Variants in GPR180 observed in about 807,000 individuals in gnomAD.
GPR180 encodes the protein integral membrane protein GPR180.
Under a neutral mutation model 52.6 loss-of-function variants are expected in GPR180, and 53 were observed. The ratio of observed to expected loss-of-function variants is 1.01; its 90% confidence interval spans 0.81 to 1.27. The LOEUF (loss-of-function observed/expected upper bound fraction) is 1.27. Ranked by LOEUF, GPR180 falls within the 50% of genes most tolerant of loss-of-function variation. GPR180 has a pLI of 0.00. For synonymous variants in GPR180, 200 were observed against 193.1 expected (o/e 1.04, Z -0.30); for missense variants, 533 against 527.0 (o/e 1.01, Z -0.11).
In GPR180 at chr13:94,605,475, A is replaced by G; in HGVS notation, c.230A>G (p.Gln77Arg). ...KEAKLYLFQA[Q>R]EWLKLQQSSH... is the part of the protein sequence containing the mutation. ...GCTAAACTCTACCTGTTCCAAGCCC[A>G]GGAATGGCTAAAGCTACAGCAAAGC... The change falls in exon 2 of 9, where the codon CAG becomes CGG. Residue 77 changes from glutamine to arginine, a missense_variant. Transcript: ENST00000376958. The G allele has an allele frequency of 6.2e-7, 1 of 1,614,164 alleles. No individual in the cohort carries two copies. The highest frequency in any genetic ancestry group is 8.5e-7 in the Non-Finnish European group (1 of 1,179,974).
rs1364870632 is a variant in GPR180 at position 94,627,152 on chromosome 13, A to G, written c.1304A>G (p.Lys435Arg). Residue 435 changes from lysine (K) to arginine (R), a missense_variant, in exon 9 of 9, where the codon AAA becomes AGA. Lys to Arg is a conservative substitution (Grantham distance 26). Coordinates refer to ENST00000376958, the MANE Select transcript of GPR180 (RefSeq NM_180989.6). ...CCACTGACCATATCATCTGGACACA[A>G]AAGTCGCCCTCATTTCTGATACTTG... The part of the protein sequence containing the change: ...TLPLTISSGH[K>R]SRPHF 3.7e-6 allele frequency: 6 copies of G among 1,612,522 alleles called. No homozygotes were observed. The South Asian group carries it at 5.5e-5, about 15-fold the overall frequency.
At chr13:94,603,944 T>C (rs530039949) in intron 1 of GPR180, among the ~76,000 whole-genome samples, 1 of 152,302 alleles carries the variant, frequency 6.6e-6, no homozygotes, top group Non-Finnish European at 1.5e-5. Context: ...TTCTTTTTTT[T>C]TAAAAAGGAA....
At chr13:94,619,018 T>A in intron 3 of GPR180, 132 bp from the exon 4 acceptor site, 1 of 737,662 alleles carries the variant, frequency 1.4e-6, no homozygotes, top group Non-Finnish European at 2.1e-6. Context: ...TTTTTTCTCT[T>A]ACAAAGGTGA....
At chr13:94,617,424 G>C (rs1047563272) in intron 3 of GPR180, among the ~76,000 whole-genome samples, 9 of 152,074 alleles carry the variant, frequency 5.9e-5, no homozygotes, top group African/African-American at 2.2e-4. Flanking sequence ...CCAGGATTAT[G>C]TTGCCATTAT....
rs1460138800 is a variant in GPR180, at chr13:94,612,238, C to T, written c.353C>T (p.Ser118Phe). ...AATCTGACAGTGTCCCAGATTCCGT[C>T]TCCACAAACGTGGCATGTGTTTTAT... is the stretch of plus-strand genomic sequence containing the variant. The part of the protein sequence containing the change: ...EHNLTVSQIP[S>F]PQTWHVFYAD... The change falls in exon 3 of 9, where the codon TCT (serine) becomes TTT (phenylalanine). Residue 118 changes from serine to phenylalanine, a missense_variant. Physicochemically the swap from Ser to Phe is radical, Grantham distance 155. Coordinates refer to ENST00000376958, the MANE Select transcript of GPR180 (RefSeq NM_180989.6). The T allele has an allele frequency of 2.5e-6, 4 of 1,613,982 alleles. No individual in the cohort carries two copies. Among genetic ancestry groups the T allele is most frequent in the Admixed American group, 3.3e-5 (2 of 60,010 alleles).
intron 2 of GPR180, among the ~76,000 whole-genome samples, chr13:94,608,466 T>C (rs200836334): frequency 1.3e-5 from 2 of 152,334 alleles, no homozygotes; most frequent in East Asian, 3.9e-4. Context: ...ACAGGAATTT[T>C]AGAGGAATGA....
chr13:94,631,813 A>G lies in GPR180; in HGVS notation c.*4642A>G, dbSNP rs1164009036. 1 of 152,058 alleles carries G rather than the reference A, an allele frequency of 6.6e-6. No homozygotes were observed. The highest frequency in any genetic ancestry group is 1.9e-4 in the East Asian group (1 of 5,188). 9.4% of individuals were successfully genotyped at this position (152,058 alleles called of 1,614,324 possible). A position where few individuals can be genotyped will look rare whatever the true frequency, so the allele number is the denominator to read the frequency against. ...AATCTTGACTAGTCAAGTAGTTGTCATAAAACATCAGTTACGAGAGGATTT... is the reference window on the plus strand; with the variant it reads ...AATCTTGACTAGTCAAGTAGTTGTCGTAAAACATCAGTTACGAGAGGATTT... On this transcript the variant is annotated 3_prime_UTR_variant, in exon 9 of 9. Coordinates refer to ENST00000376958, the MANE Select transcript of GPR180 (RefSeq NM_180989.6).
intron 2 of GPR180, among the ~76,000 whole-genome samples, chr13:94,609,462 T>C (rs1889675031): frequency 6.6e-6 from 1 of 152,186 alleles, no homozygotes; most frequent in Admixed American, 6.5e-5. Context: ...CATACTTTTA[T>C]TTCTGTTTGA....
intron 6 of GPR180, among the ~76,000 whole-genome samples, chr13:94,622,533 T>C (rs2138567972): frequency 6.6e-6 from 1 of 152,286 alleles, no homozygotes; most frequent in South Asian, 2.1e-4. Context: ...TATTAGCATA[T>C]GTATATGAAA....
At chr13:94,611,867 A>G (rs971586533) in intron 2 of GPR180, among the ~76,000 whole-genome samples, 4 of 149,666 alleles carry the variant, frequency 2.7e-5, no homozygotes, top group Admixed American at 6.6e-5. Flanking sequence ...ATCGCTCCCA[A>G]TACGAATGTG....
chr13:94,619,493 C>T lies in GPR180; in HGVS notation c.712C>T (p.Pro238Ser). ...SSYSKDGIGV[P>S]FMGSLAEFFD... ...TTACTCCAAAGATGGAATAGGGGTA[C>T]CATTTATGGGAAGTTTGGCAGAATG... Residue 238 changes from proline (P) to serine (S), a missense_variant, in exon 5 of 9, where the codon CCA (proline) becomes TCA (serine). Transcript: ENST00000376958. The T allele has an allele frequency of 1.9e-6, 3 of 1,613,416 alleles. No individual in the cohort carries two copies. The highest frequency in any genetic ancestry group is 1.1e-5 in the South Asian group (1 of 90,986).
intron 7 of GPR180, among the ~76,000 whole-genome samples, chr13:94,625,412 C>T (rs1321886811): frequency 1.3e-5 from 2 of 151,936 alleles, no homozygotes; most frequent in Non-Finnish European, 2.9e-5. Context: ...TATTTATTAA[C>T]TTATTTTTTA....
At position 94,601,899 on chromosome 13, in the gene GPR180, G is replaced by A. The variant is rs1322473969; in HGVS notation, c.-29G>A. 3 of 1,385,132 alleles carry A rather than the reference G, an allele frequency of 2.2e-6. No individual in the cohort carries two copies. Among genetic ancestry groups the A allele is most frequent in the South Asian group, 1.6e-5 (1 of 62,100 alleles). 85.8% of individuals were successfully genotyped at this position (1,385,132 alleles called of 1,614,324 possible). A position where few individuals can be genotyped will look rare whatever the true frequency, so the allele number is the denominator to read the frequency against. ...GGGCAGCCGCCGGCGGCTGGGAGCC[G>A]AGGCGTCGGTGCAGACCTGGAGACG... On this transcript the variant is annotated 5_prime_UTR_variant, in exon 1 of 9. Coordinates refer to ENST00000376958, the MANE Select transcript of GPR180 (RefSeq NM_180989.6).
intron 2 of GPR180, among the ~76,000 whole-genome samples, chr13:94,607,711 A>G (rs766721528): frequency 3.9e-5 from 6 of 152,208 alleles, no homozygotes; most frequent in African/African-American, 7.2e-5. Flanking sequence ...TACTGTTGAT[A>G]GATCAGTGAC....
chr13:94,611,896 A>C (rs957622504), intron 2 of GPR180, among the ~76,000 whole-genome samples: 8 of 152,272 alleles, frequency 5.3e-5, no homozygotes, highest in African/African-American at 1.9e-4. Flanking sequence ...AAAGAAAAAA[A>C]AAAAAAAGAA....
intron 7 of GPR180, among the ~76,000 whole-genome samples, chr13:94,624,821 C>T (rs1334844288): frequency 1.3e-5 from 2 of 152,128 alleles, no homozygotes; most frequent in African/African-American, 2.4e-5. Flanking sequence ...GGATTACAGG[C>T]GTGAGCCACC....
chr13:94,627,481 G>T lies in GPR180; in HGVS notation c.*310G>T. ...TGGTAAAATATTCACCACTTATAAT[G>T]CCTCATCTTAATAGCTAACTCAGGT... On this transcript the variant is annotated 3_prime_UTR_variant, in exon 9 of 9. Transcript: ENST00000376958. 1 of 302,810 alleles carries T rather than the reference G, an allele frequency of 3.3e-6. No individual in the cohort carries two copies. Among genetic ancestry groups the T allele is most frequent in the South Asian group, 4.4e-5 (1 of 22,780 alleles). 18.8% of individuals were successfully genotyped at this position (302,810 alleles called of 1,614,324 possible). A position where few individuals can be genotyped will look rare whatever the true frequency, so the allele number is the denominator to read the frequency against.
rs1009521391 is a variant in GPR180, at chr13:94,631,735, A to G, written c.*4564A>G. The G allele has an allele frequency of 6.6e-6, 1 of 151,836 alleles. No homozygotes were observed. The highest frequency in any genetic ancestry group is 1.9e-4 in the East Asian group (1 of 5,198). 9.4% of individuals were successfully genotyped at this position (151,836 alleles called of 1,614,324 possible). On this transcript the variant is annotated 3_prime_UTR_variant, in exon 9 of 9. Transcript: ENST00000376958. ...AATAGAAGTACCCGTAGTGACTTCA[A>G]TAATACCTTGCCTATTCTTTGTTCA...
rs554430244 is a variant in GPR180 at position 94,603,518 on chromosome 13, T to C, written c.145+1446T>C. On this transcript the variant is annotated intron_variant, in intron 1 of 8. Coordinates refer to ENST00000376958, the MANE Select transcript of GPR180 (RefSeq NM_180989.6). ...CACATATAGTTATTACCAATTTTCA[T>C]GAATCCCAATTCAGTAAAATAATAA... 3.6e-4 allele frequency among the ~76,000 whole-genome samples: 55 copies of C among 152,304 alleles called. No individual in the cohort carries two copies. The South Asian group carries it at 0.01, about 28-fold the overall frequency.
Sources: allele counts gnomAD v4.1 joint callset (sites outside exome capture counted in the v4.1 genomes callset), GRCh38; gene constraint gnomAD v4.1.1; transcripts MANE v1.5; gene names NCBI Gene and HGNC (gene_info 2026-07-23, HGNC 2026-07-21).